The following FLVCR2 variants were observed in gnomAD, a reference collection of about 807,000 sequenced individuals.
FLVCR2 encodes the protein choline/ethanolamine transporter FLVCR2.
In FLVCR2, 38 loss-of-function variants were observed where a neutral mutation model predicts 48.9. The ratio of observed to expected loss-of-function variants is 0.78; its 90% CI spans 0.60 to 1.02. The LOEUF (loss-of-function observed/expected upper bound fraction) is 1.02. Among genes scored for constraint, FLVCR2 ranks in the 50% least tolerant of loss-of-function variants. FLVCR2 has a pLI of 0.00. For synonymous variants in FLVCR2, 255 were observed against 257.0 expected, an observed-to-expected ratio of 0.99 and a Z score of 0.07; for missense variants, 664 against 663.3, an observed-to-expected ratio of 1.00 and a Z score of -0.01.
At chr14:75,594,733 T>TC in intron 1 of FLVCR2, among the ~76,000 whole-genome samples, 1 of 152,134 alleles carries the variant, frequency 6.6e-6, no homozygotes, top group African/African-American at 2.4e-5. Context: ...TTTTTTTTTT[T>TC]TTTAAGAGAC....
intron 3 of FLVCR2, among the ~76,000 whole-genome samples, chr14:75,629,478 T>A (rs1033553683): frequency 2.0e-5 from 3 of 151,838 alleles, no homozygotes; most frequent in Non-Finnish European, 2.9e-5. Flanking sequence ...AACCAGAAAT[T>A]CCACCTGTCT....
chr14:75,610,197 G>A (rs1019524261), intron 1 of FLVCR2, among the ~76,000 whole-genome samples: 2 of 151,940 alleles, frequency 1.3e-5, no homozygotes, highest in African/African-American at 2.4e-5. Context: ...GTCAGCTAGA[G>A]GGACATTAAT....
chr14:75,584,932 C>T (rs1217605867), intron 1 of FLVCR2, among the ~76,000 whole-genome samples: 10 of 152,176 alleles, frequency 6.6e-5, no homozygotes, highest in African/African-American at 2.4e-4. Context: ...GCTCCAGCCA[C>T]CTCTTTAAGA....
intron 1 of FLVCR2, among the ~76,000 whole-genome samples, chr14:75,580,329 A>G (rs1437289897): frequency 6.6e-6 from 1 of 152,266 alleles, no homozygotes; most frequent in Non-Finnish European, 1.5e-5. Context: ...GTTATGATCC[A>G]GAAAGCTGGG....
At chr14:75,619,976 A>C (rs747568912) in intron 1 of FLVCR2, among the ~76,000 whole-genome samples, 4 of 152,160 alleles carry the variant, frequency 2.6e-5, no homozygotes, top group African/African-American at 7.2e-5. Context: ...GGGACCTCAG[A>C]GCTTTAATTT....
intron 1 of FLVCR2, among the ~76,000 whole-genome samples, chr14:75,589,137 G>A (rs1888823182): frequency 1.3e-5 from 2 of 152,046 alleles, no homozygotes; most frequent in African/African-American, 2.4e-5. Flanking sequence ...GATCGCTTGA[G>A]CCCAGGAGGT....
intron 1 of FLVCR2, among the ~76,000 whole-genome samples, chr14:75,608,187 A>G (rs1437145945): frequency 6.6e-6 from 1 of 151,986 alleles, no homozygotes; most frequent in Non-Finnish European, 1.5e-5. Flanking sequence ...AGGGCTCAGC[A>G]CTCCTGCCTT....
At chr14:75,642,740 T>C (rs1890330799) in intron 9 of FLVCR2, among the ~76,000 whole-genome samples, 1 of 152,278 alleles carries the variant, frequency 6.6e-6, no homozygotes, top group Non-Finnish European at 1.5e-5. Context: ...TGCATGTCTG[T>C]ATCCACTTAT....
intron 1 of FLVCR2, among the ~76,000 whole-genome samples, chr14:75,614,486 G>C (rs1235594205): frequency 6.6e-6 from 1 of 152,232 alleles, no homozygotes; most frequent in Non-Finnish European, 1.5e-5. Context: ...AGCTCTGTGA[G>C]AGAATTCACA....
chr14:75,634,543 G>C (rs1428063104), intron 4 of FLVCR2, among the ~76,000 whole-genome samples: 1 of 151,944 alleles, frequency 6.6e-6, no homozygotes, highest in East Asian at 1.9e-4. Flanking sequence ...ACCTAAGAAT[G>C]GAAATTTTAA....
chr14:75,617,575 C>T (rs760048787), intron 1 of FLVCR2, among the ~76,000 whole-genome samples: 1 of 152,150 alleles, frequency 6.6e-6, no homozygotes, highest in Non-Finnish European at 1.5e-5. Flanking sequence ...GCTGTGTGAC[C>T]TTGAGCAAGT....
At chr14:75,629,177 A>G (rs1889976947) in intron 3 of FLVCR2, among the ~76,000 whole-genome samples, 1 of 152,240 alleles carries the variant, frequency 6.6e-6, no homozygotes, top group South Asian at 2.1e-4. Flanking sequence ...TAGGGTTGAG[A>G]GATAAAATAA....
chr14:75,621,784 A>T (rs1889772819), intron 1 of FLVCR2, among the ~76,000 whole-genome samples: 1 of 152,220 alleles, frequency 6.6e-6, no homozygotes, highest in Non-Finnish European at 1.5e-5. Context: ...ATGGGAGTAG[A>T]GGAACCATTT....
In FLVCR2 at chr14:75,639,453, G is replaced by A. The variant is rs1890253441; in HGVS notation, c.1226G>A (p.Gly409Asp). ...GHLWVVFITA[G>D]TMGFFMTGYL... Reference sequence around the variant, plus strand: ...CTGTGGGTAGTGTTCATCACTGCTGGCACAATGGGGTAAGTTTCACCTCTG... The same window carrying A: ...CTGTGGGTAGTGTTCATCACTGCTGACACAATGGGGTAAGTTTCACCTCTG... The change falls in exon 6 of 10, where the codon GGC (glycine) becomes GAC (aspartate). Residue 409 changes from glycine (G) to aspartate (D), a missense_variant. Physicochemically the swap from Gly to Asp is moderately conservative, Grantham distance 94. Coordinates refer to ENST00000238667, the MANE Select transcript of FLVCR2 (RefSeq NM_017791.3). 1 of 1,606,996 alleles carries A rather than the reference G, an allele frequency of 6.2e-7. No individual in the cohort carries two copies. The highest frequency in any genetic ancestry group is 8.5e-7 in the Non-Finnish European group (1 of 1,173,652).
intron 3 of FLVCR2, among the ~76,000 whole-genome samples, chr14:75,631,025 C>A (rs1890025720): frequency 6.6e-6 from 1 of 152,290 alleles, no homozygotes; most frequent in Admixed American, 6.5e-5. Context: ...AGTGGACTTA[C>A]GCTGGTTAAC....
At chr14:75,601,052 T>A (rs376641993) in intron 1 of FLVCR2, among the ~76,000 whole-genome samples, 11 of 152,314 alleles carry the variant, frequency 7.2e-5, no homozygotes, top group African/African-American at 2.6e-4. Context: ...CTCACAGCAT[T>A]CAGAGCCGAG....
chr14:75,599,162 C>G (rs1376948412), intron 1 of FLVCR2, among the ~76,000 whole-genome samples: 1 of 152,236 alleles, frequency 6.6e-6, no homozygotes, highest in African/African-American at 2.4e-5. Context: ...AAGACACATT[C>G]AAAGCCATAG....
At chr14:75,584,229 G>A (rs1327567093) in intron 1 of FLVCR2, among the ~76,000 whole-genome samples, 1 of 152,214 alleles carries the variant, frequency 6.6e-6, no homozygotes, top group Non-Finnish European at 1.5e-5. Context: ...GTGGTTGTGG[G>A]CTGTCTTACA....
In FLVCR2 at chr14:75,641,191, A is replaced by G. The variant is rs750698284; in HGVS notation, c.1351A>G (p.Ile451Val). ...CTTTATGCCTTTCCAGGTATTTGGG[A>G]TCATCTTTACCATCTCCCAGGGCCA... ...LLNISAQVFG[I>V]IFTISQGQII... The change falls in exon 8 of 10, where the codon ATC becomes GTC. Residue 451 changes from isoleucine to valine, a missense_variant. Physicochemically the swap from Ile to Val is conservative, Grantham distance 29 (BLOSUM62 3). Transcript: ENST00000238667. 3 of 1,612,368 alleles carry G rather than the reference A, an allele frequency of 1.9e-6. No individual in the cohort carries two copies. The highest frequency in any genetic ancestry group is 2.2e-5 in the South Asian group (2 of 91,054).
Sources: allele counts gnomAD v4.1 joint callset (sites outside exome capture counted in the v4.1 genomes callset), GRCh38; gene constraint gnomAD v4.1.1; transcripts MANE v1.5; gene names NCBI Gene and HGNC (gene_info 2026-07-23, HGNC 2026-07-21).